Variants in ADAM20 observed in about 807,000 individuals in gnomAD.
ADAM20 encodes disintegrin and metalloproteinase domain-containing protein 20.
For missense variants in ADAM20, 871 were observed against 883.2 expected, an observed-to-expected ratio of 0.99 and a Z score of 0.18; for synonymous variants, 305 against 310.2, an observed-to-expected ratio of 0.98 and a Z score of 0.18.
At chr14:70,546,995 C>A in the ADAM20 span, among the ~76,000 whole-genome samples, 1 of 152,040 alleles carries the variant, frequency 6.6e-6, no homozygotes, top group Non-Finnish European at 1.5e-5. Context: ...ATCAATAAAA[C>A]CAGAGATGAA....
the ADAM20 span, among the ~76,000 whole-genome samples, chr14:70,566,250 CAATT>C: frequency 6.6e-6 from 1 of 152,098 alleles, no homozygotes; most frequent in African/African-American, 2.4e-5. Flanking sequence ...AGAACTATAA[CAATT>C]AATGGATACA....
chr14:70,555,205 C>A, the ADAM20 span, among the ~76,000 whole-genome samples: 1 of 152,070 alleles, frequency 6.6e-6, no homozygotes, highest in Admixed American at 6.6e-5. Context: ...ATATGACTAT[C>A]GTTAACAGTA....
At position 70,523,410 on chromosome 14, in the gene ADAM20, C is replaced by G. The variant is rs1367970149; in HGVS notation, c.1348G>C (p.Gly450Arg). The stretch of plus-strand genomic sequence containing the variant: ...AATTTGCAGTCTTTGCAACATATTC[C>G]AAAAGCACAAGCAGCCCCAGGATGT... ...TLHPGAACAF[G>R]ICCKDCKFLP... The change falls in exon 2 of 2, where the codon GGA becomes CGA. Residue 450 changes from glycine to arginine, a missense_variant. Coordinates refer to ENST00000256389, the MANE Select transcript of ADAM20 (RefSeq NM_003814.5). 6.2e-7 allele frequency: 1 copy of G among 1,613,948 alleles called. No homozygotes were observed. Among genetic ancestry groups the G allele is most frequent in the South Asian group, 1.1e-5 (1 of 91,068 alleles).
At chr14:70,529,399 A>C (rs1883660387) in intron 1 of ADAM20, among the ~76,000 whole-genome samples, 1 of 152,128 alleles carries the variant, frequency 6.6e-6, no homozygotes, top group Admixed American at 6.6e-5. Flanking sequence ...TCACAAATAC[A>C]CTCATTTATC....
rs775824254 is a variant in ADAM20, at chr14:70,523,354, T to C, written c.1404A>G (p.Gln468=). ...ACTCTGGAAGGTCACATTCACCAACTTGTTGTCTACATAAAGTTCCTGATG... is the reference window on the plus strand; with the variant it reads ...ACTCTGGAAGGTCACATTCACCAACCTGTTGTCTACATAAAGTTCCTGATG... ...FLPSGTLCRQ[Q]VGECDLPEWC... The change falls in exon 2 of 2, where the codon CAA becomes CAG. Residue 468 remains glutamine (Q), a synonymous_variant. Transcript: ENST00000256389. 6.2e-7 allele frequency: 1 copy of C among 1,614,064 alleles called. No homozygotes were observed. The highest frequency in any genetic ancestry group is 8.5e-7 in the Non-Finnish European group (1 of 1,179,948).
At chr14:70,569,913 A>AAAAAAAC in the ADAM20 span, among the ~76,000 whole-genome samples, 1 of 134,602 alleles carries the variant, frequency 7.4e-6, no homozygotes, top group Non-Finnish European at 1.6e-5. Flanking sequence ...AAAAAAAAAA[A>AAAAAAAC]ACACTCTGGA....
At chr14:70,549,227 T>A in the ADAM20 span, among the ~76,000 whole-genome samples, 2 of 84,640 alleles carry the variant, frequency 2.4e-5, no homozygotes, top group East Asian at 3.1e-4. Context: ...CCATCGAGAC[T>A]AGGAAGAAAC....
intron 1 of ADAM20, among the ~76,000 whole-genome samples, chr14:70,531,606 A>G (rs1414188802): frequency 2.0e-5 from 3 of 151,792 alleles, no homozygotes; most frequent in African/African-American, 2.4e-5. Context: ...AGAAAACTCT[A>G]AAGATTCTAC....
At chr14:70,573,316 G>A in the ADAM20 span, among the ~76,000 whole-genome samples, 2 of 152,254 alleles carry the variant, frequency 1.3e-5, no homozygotes, top group South Asian at 4.1e-4. Flanking sequence ...TACCCTAAGA[G>A]AATTAATGCA....
rs1883488226 is a variant in ADAM20 at position 70,523,038 on chromosome 14, T to A, written c.1720A>T (p.Asn574Tyr). 6.2e-7 allele frequency: 1 copy of A among 1,614,046 alleles called. No individual in the cohort carries two copies. Among genetic ancestry groups the A allele is most frequent in the South Asian group, 1.1e-5 (1 of 91,086 alleles). The change falls in exon 2 of 2, where the codon AAT (asparagine) becomes TAT (tyrosine). Residue 574 changes from asparagine to tyrosine, a missense_variant. Asn to Tyr is a moderately radical substitution (Grantham distance 143). Coordinates refer to ENST00000256389, the MANE Select transcript of ADAM20 (RefSeq NM_003814.5). ...VQCENVGVIP[N>Y]LIEHSTVQQF... ...TGCACTGTAGAATGCTCTATCAGAT[T>A]GGGAATTACTCCCACATTTTCACAC...
rs1025905022 is a variant in ADAM20 at position 70,525,058 on chromosome 14, A to G, written c.-176-125T>C. 3.2e-5 allele frequency: 26 copies of G among 824,338 alleles called. No homozygotes were observed. The Middle Eastern group carries it at 2.6e-3, about 82-fold the overall frequency. The allele number at this position is 824,338 out of a possible 1,614,324, so 51.1% of individuals were successfully genotyped here. ...AAATGCATTAGGATTCTCTTAATAC[A>G]TATGGCCAAGAAGATTTCCAGATAG... On this transcript the variant is annotated intron_variant, in intron 1 of 1. Transcript: ENST00000256389.
chr14:70,568,764 A>C, the ADAM20 span, among the ~76,000 whole-genome samples: 1 of 152,204 alleles, frequency 6.6e-6, no homozygotes, highest in Non-Finnish European at 1.5e-5. Flanking sequence ...TACACAAAGC[A>C]GAAGAAAGAA....
At chr14:70,560,365 C>T in the ADAM20 span, among the ~76,000 whole-genome samples, 1 of 152,046 alleles carries the variant, frequency 6.6e-6, no homozygotes. Flanking sequence ...AATAAAGATG[C>T]TAATAAACAC....
At chr14:70,554,809 C>A in the ADAM20 span, among the ~76,000 whole-genome samples, 2 of 152,188 alleles carry the variant, frequency 1.3e-5, no homozygotes, top group Non-Finnish European at 2.9e-5. Flanking sequence ...TTGAGGGTGT[C>A]CAGGTTCTTG....
chr14:70,561,414 G>A, the ADAM20 span, among the ~76,000 whole-genome samples: 6 of 152,214 alleles, frequency 3.9e-5, no homozygotes, highest in African/African-American at 1.4e-4. Context: ...TAAAAGTTTA[G>A]AAAATTTGTA....
At chr14:70,528,200 C>G (rs1428547491) in intron 1 of ADAM20, among the ~76,000 whole-genome samples, 1 of 152,056 alleles carries the variant, frequency 6.6e-6, no homozygotes, top group East Asian at 1.9e-4. Flanking sequence ...TATGTTAAAC[C>G]TGCATAAAAC....
the ADAM20 span, among the ~76,000 whole-genome samples, chr14:70,558,818 CTT>C: frequency 2.0e-5 from 3 of 152,222 alleles, no homozygotes; most frequent in Non-Finnish European, 2.9e-5. Flanking sequence ...ACTTCTTCCT[CTT>C]TGAATTGCTT....
At chr14:70,572,028 C>A in the ADAM20 span, among the ~76,000 whole-genome samples, 1 of 152,092 alleles carries the variant, frequency 6.6e-6, no homozygotes, top group Non-Finnish European at 1.5e-5. Flanking sequence ...TTAGAAGAAT[C>A]AATATAACTA....
Position 70,523,064 on chromosome 14 carries a change from T to C in ADAM20, c.1694A>G (p.Gln565Arg). The stretch of plus-strand genomic sequence containing the variant: ...GGGAATTACTCCCACATTTTCACAC[T>C]GAACCCTCCCACACATGATATCAGG... ...WTPDIMCGRVQCENVGVIPNL... is the reference protein window; with the variant it reads ...WTPDIMCGRVRCENVGVIPNL... The change falls in exon 2 of 2, where the codon CAG (glutamine) becomes CGG (arginine). Residue 565 changes from glutamine to arginine, a missense_variant. By Grantham distance (43) the Gln-to-Arg change is conservative (BLOSUM62 1). Transcript: ENST00000256389. The C allele has an allele frequency of 6.2e-7, 1 of 1,613,992 alleles. No individual in the cohort carries two copies.
Sources: gnomAD v4.1 joint callset for allele counts (sites outside exome capture counted in the v4.1 genomes callset) on GRCh38, gnomAD v4.1.1 for gene constraint, MANE v1.5 for transcripts, NCBI Gene and HGNC (gene_info 2026-07-23, HGNC 2026-07-21) for gene names.